NEDD4L: variants seen among roughly 807,000 people sequenced by gnomAD.
NEDD4L encodes the protein E3 ubiquitin-protein ligase NEDD4-like.
A neutral mutation model predicts 148.9 loss-of-function variants in NEDD4L; 54 were observed. The ratio of observed to expected loss-of-function variants is 0.36; its 90% CI spans 0.29 to 0.45. The LOEUF (loss-of-function observed/expected upper bound fraction) is 0.45. NEDD4L is among the 20% of genes least tolerant of loss of function. The probability of loss-of-function intolerance (pLI) is 1.00; values close to 1 mark genes in which losing one functional copy is unlikely to be tolerated. For missense variants in NEDD4L, 856 were observed against 1,233.8 expected (o/e 0.69, Z 4.59); for synonymous variants, 433 against 440.7 (o/e 0.98, Z 0.22).
intron 10 of NEDD4L, among the ~76,000 whole-genome samples, chr18:58,329,887 A>C (rs944960457): frequency 6.6e-6 from 1 of 152,120 alleles, no homozygotes; most frequent in Non-Finnish European, 1.5e-5. Context: ...ATTAAATGAC[A>C]GCTTGTTTTT....
intron 2 of NEDD4L, among the ~76,000 whole-genome samples, chr18:58,194,807 G>C (rs2040483202): frequency 2.6e-5 from 4 of 152,324 alleles, no homozygotes; most frequent in African/African-American, 9.6e-5. Flanking sequence ...GTTGATTTCG[G>C]ATAATACTTT....
chr18:58,364,571 G>A (rs1047001788), intron 20 of NEDD4L, among the ~76,000 whole-genome samples: 1 of 152,126 alleles, frequency 6.6e-6, no homozygotes, highest in African/African-American at 2.4e-5. Context: ...AATTTCCTAT[G>A]TAATACATAA....
At chr18:58,211,437 A>G (rs1454606337) in intron 2 of NEDD4L, among the ~76,000 whole-genome samples, 7 of 152,246 alleles carry the variant, frequency 4.6e-5, no homozygotes, top group Admixed American at 2.6e-4. Context: ...TCACAATAGC[A>G]GCAGATAACC....
In NEDD4L at chr18:58,400,602, A is replaced by G. The variant is rs1192826532; in HGVS notation, c.*4333A>G. ...ATTAAACATCTGTTGTTTGTTAAAGATGTTCCACTGAAAGCAACGCATGTT... is the reference window on the plus strand; with the variant it reads ...ATTAAACATCTGTTGTTTGTTAAAGGTGTTCCACTGAAAGCAACGCATGTT... On this transcript the variant is annotated 3_prime_UTR_variant, in exon 31 of 31. Transcript: ENST00000400345. 1 of 152,196 alleles carries G rather than the reference A, an allele frequency of 6.6e-6. No homozygotes were observed. Among genetic ancestry groups the G allele is most frequent in the Non-Finnish European group, 1.5e-5 (1 of 68,036 alleles). The allele number at this position is 152,196 out of a possible 1,614,324, so 9.4% of individuals were successfully genotyped here. A position where few individuals can be genotyped will look rare whatever the true frequency, so the allele number is the denominator to read the frequency against.
intron 1 of NEDD4L, among the ~76,000 whole-genome samples, chr18:58,118,626 G>A (rs58933947): frequency 0.16 from 23,987 of 152,094 alleles, 2,243 homozygotes; most frequent in East Asian, 0.27. Flanking sequence ...GTATGTATGT[G>A]TCTGTGTGTG....
intron 24 of NEDD4L, among the ~76,000 whole-genome samples, chr18:58,377,800 G>A (rs553562218): frequency 6.6e-6 from 1 of 152,186 alleles, no homozygotes; most frequent in Non-Finnish European, 1.5e-5. Flanking sequence ...CTGGAGTGCA[G>A]TGGCAGAATA....
chr18:58,135,148 C>T (rs1351569483), intron 1 of NEDD4L, among the ~76,000 whole-genome samples: 1 of 152,062 alleles, frequency 6.6e-6, no homozygotes, highest in Non-Finnish European at 1.5e-5. Context: ...TGATACTAGC[C>T]TCCATGGCAT....
intron 1 of NEDD4L, among the ~76,000 whole-genome samples, chr18:58,066,417 GTCTC>G (rs2082600987): frequency 1.3e-5 from 1 of 77,322 alleles, no homozygotes; most frequent in African/African-American, 3.6e-5. Flanking sequence ...TTTTAACGGA[GTCTC>G]TCTCTTTCAC....
intron 2 of NEDD4L, chr18:58,221,804 A>C (rs1349856093): frequency 1.3e-6 from 1 of 785,900 alleles, no homozygotes; most frequent in Non-Finnish European, 1.5e-6. Flanking sequence ...AATGCATAAC[A>C]TCTGTTCTTG....
At chr18:58,053,348 G>A (rs9989611) in intron 1 of NEDD4L, among the ~76,000 whole-genome samples, 11,517 of 151,472 alleles carry the variant, frequency 0.076, 537 homozygotes, top group African/African-American at 0.13. Context: ...TCACTCTGTC[G>A]CCCAGGCTGG....
intron 2 of NEDD4L, among the ~76,000 whole-genome samples, chr18:58,234,043 CCTTT>C (rs1175800878): frequency 7.6e-6 from 1 of 130,798 alleles, no homozygotes. Flanking sequence ...TCATTTCTTT[CCTTT>C]TCTTTCTTTC....
chr18:58,081,218 T>C (rs1332144619), intron 1 of NEDD4L, among the ~76,000 whole-genome samples: 1 of 144,286 alleles, frequency 6.9e-6, no homozygotes, highest in Non-Finnish European at 1.5e-5. Context: ...CACCCTTTTT[T>C]TTTTTTTTTT....
chr18:58,062,014 A>G (rs1382167476), intron 1 of NEDD4L, among the ~76,000 whole-genome samples: 1 of 152,324 alleles, frequency 6.6e-6, no homozygotes, highest in South Asian at 2.1e-4. Context: ...TTAGAGCTCT[A>G]GGGACAGAGT....
At chr18:58,078,347 A>G (rs1287046466) in intron 1 of NEDD4L, among the ~76,000 whole-genome samples, 2 of 152,182 alleles carry the variant, frequency 1.3e-5, no homozygotes. Flanking sequence ...TATGATATCA[A>G]AGAAAAACAG....
At chr18:58,382,779 A>C (rs2048524043) in intron 24 of NEDD4L, among the ~76,000 whole-genome samples, 1 of 152,222 alleles carries the variant, frequency 6.6e-6, no homozygotes, top group African/African-American at 2.4e-5. Context: ...CTGGATCCTT[A>C]AGCTTCTTTC....
At chr18:58,244,596 C>G (rs1231243737) in intron 2 of NEDD4L, among the ~76,000 whole-genome samples, 1 of 152,164 alleles carries the variant, frequency 6.6e-6, no homozygotes, top group African/African-American at 2.4e-5. Context: ...CTAGACTACT[C>G]AAATTTATAA....
chr18:58,338,692 G>C (rs1404754941), intron 13 of NEDD4L, among the ~76,000 whole-genome samples: 1 of 152,154 alleles, frequency 6.6e-6, no homozygotes, highest in Non-Finnish European at 1.5e-5. Context: ...GAAGCGGGTG[G>C]ATCAATTGAA....
chr18:58,247,506 T>C (rs1429091355), intron 3 of NEDD4L: 1 of 152,246 alleles, frequency 6.6e-6, no homozygotes, highest in Non-Finnish European at 1.5e-5. Flanking sequence ...AGCCGGCGAC[T>C]GGGGCTATTG....
rs1040623681 is a variant in NEDD4L, at chr18:58,103,337, G to T, written c.48+58629G>T. ...TTCTGACTTTGCACAGTTCTGATAT[G>T]CATGAGTTGCAATTACCATGATTTA... On this transcript the variant is annotated intron_variant, in intron 1 of 30. Coordinates refer to ENST00000400345, the MANE Select transcript of NEDD4L (RefSeq NM_001144967.3). Among the ~76,000 whole-genome samples, 5 of 150,136 alleles carry T rather than the reference G, an allele frequency of 3.3e-5. No homozygotes were observed. In the Admixed American group the frequency reaches 3.3e-4, roughly 10 times the overall value.
Sources: gnomAD v4.1 joint callset for allele counts (sites outside exome capture counted in the v4.1 genomes callset) on GRCh38, gnomAD v4.1.1 for gene constraint, MANE v1.5 for transcripts, NCBI Gene and HGNC (gene_info 2026-07-23, HGNC 2026-07-21) for gene names.